The following TAFA2 variants were observed in gnomAD, a reference collection of about 807,000 sequenced individuals.
TAFA2 encodes the protein chemokine-like protein TAFA-2.
Under a neutral mutation model 18.8 loss-of-function variants are expected in TAFA2, and 7 were observed. That is an observed-to-expected ratio of 0.37 (90% CI 0.21 to 0.70). The LOEUF is 0.70. TAFA2 is among the 30% of genes least tolerant of loss of function. The pLI is 0.53. For missense variants in TAFA2, 122 were observed against 158.1 expected (o/e 0.77, Z 1.23); for synonymous variants, 60 against 54.2 (o/e 1.11, Z -0.47).
chr12:62,179,686 G>T (rs751197047), intron 1 of TAFA2, among the ~76,000 whole-genome samples: 2 of 152,018 alleles, frequency 1.3e-5, no homozygotes, highest in Non-Finnish European at 2.9e-5. Flanking sequence ...GAATTTCAAT[G>T]GATTTATTCT....
At chr12:62,216,874 C>T (rs964271610) in intron 1 of TAFA2, among the ~76,000 whole-genome samples, 1 of 152,160 alleles carries the variant, frequency 6.6e-6, no homozygotes, top group Non-Finnish European at 1.5e-5. Context: ...TTGGACTAGA[C>T]AAGCAAGAAG....
chr12:61,810,434 A>G (rs1871818779), intron 2 of TAFA2, among the ~76,000 whole-genome samples: 3 of 151,402 alleles, frequency 2.0e-5, no homozygotes, highest in Non-Finnish European at 4.4e-5. Context: ...CCTTAAATAA[A>G]GAAGACAATA....
At chr12:61,935,174 A>G (rs977075615) in intron 1 of TAFA2, among the ~76,000 whole-genome samples, 10 of 152,196 alleles carry the variant, frequency 6.6e-5, no homozygotes, top group South Asian at 2.1e-4. Flanking sequence ...GGTATATTTT[A>G]TTTTTAGAAT....
chr12:61,912,819 A>T (rs1358505191), intron 1 of TAFA2, among the ~76,000 whole-genome samples: 1 of 152,218 alleles, frequency 6.6e-6, no homozygotes, highest in African/African-American at 2.4e-5. Context: ...GAACATTAAA[A>T]TAGGCCTCAT....
At chr12:62,207,826 T>C (rs2062698407) in intron 1 of TAFA2, among the ~76,000 whole-genome samples, 1 of 152,160 alleles carries the variant, frequency 6.6e-6, no homozygotes, top group African/African-American at 2.4e-5. Flanking sequence ...TGTGCCCACA[T>C]TGCCAGAGTA....
At chr12:62,024,900 C>T (rs1014075322) in intron 1 of TAFA2, among the ~76,000 whole-genome samples, 3 of 151,974 alleles carry the variant, frequency 2.0e-5, no homozygotes, top group African/African-American at 4.8e-5. Context: ...AAATCAAAAC[C>T]GCAATGAGAT....
intron 1 of TAFA2, among the ~76,000 whole-genome samples, chr12:61,973,349 T>A (rs550159098): frequency 6.6e-6 from 1 of 151,730 alleles, no homozygotes; most frequent in East Asian, 1.9e-4. Context: ...TGACTACATG[T>A]TGCAAACATA....
chr12:61,807,132 C>T (rs1351158386), intron 2 of TAFA2, among the ~76,000 whole-genome samples: 1 of 151,332 alleles, frequency 6.6e-6, no homozygotes, highest in Non-Finnish European at 1.5e-5. Flanking sequence ...CCTCCCATTA[C>T]AGGCCAGGAG....
At chr12:62,055,355 A>G (rs1459858725) in intron 1 of TAFA2, among the ~76,000 whole-genome samples, 4 of 152,178 alleles carry the variant, frequency 2.6e-5, no homozygotes, top group East Asian at 3.8e-4. Flanking sequence ...AAAAAAATAA[A>G]CCCCTGAAAT....
rs534851314 is a variant in TAFA2, at chr12:61,863,776, G to A, written c.106+3544C>T. On this transcript the variant is annotated intron_variant, in intron 2 of 4. Coordinates refer to ENST00000416284, the MANE Select transcript of TAFA2 (RefSeq NM_178539.5). ...AATGTTCTGTGATCACAGTTCACAG[G>A]TGCCCCCTTCTTTAGAGACTTACCT... Among the ~76,000 whole-genome samples the A allele has an allele frequency of 7.9e-5, 12 of 152,134 alleles. No individual in the cohort carries two copies. The South Asian group carries it at 2.1e-3, about 26-fold the overall frequency.
intron 1 of TAFA2, among the ~76,000 whole-genome samples, chr12:61,900,896 C>A (rs115765541): frequency 0.011 from 1,702 of 152,190 alleles, 29 homozygotes; most frequent in African/African-American, 0.039. Context: ...CTATTAATTT[C>A]TGAACAGTGA....
Position 62,172,464 on chromosome 12 carries a change from G to C in TAFA2, c.-2+18795C>G, listed in dbSNP as rs183915908. 1.2e-3 allele frequency among the ~76,000 whole-genome samples: 189 copies of C among 152,302 alleles called. 3 individuals are homozygous for C. The highest frequency in any genetic ancestry group is 4.2e-3 in the African/African-American group (176 of 41,560). On this transcript the variant is annotated intron_variant, in intron 1 of 4. Coordinates refer to ENST00000416284, the MANE Select transcript of TAFA2 (RefSeq NM_178539.5). Reference sequence around the variant, plus strand: ...AAGGAAGTCTCTCCTGATGTTACTTGAATGATATAGTCATCAATATGCCAA... The same window carrying C: ...AAGGAAGTCTCTCCTGATGTTACTTCAATGATATAGTCATCAATATGCCAA...
At chr12:61,939,932 C>A (rs1877928532) in intron 1 of TAFA2, among the ~76,000 whole-genome samples, 1 of 152,224 alleles carries the variant, frequency 6.6e-6, no homozygotes, top group South Asian at 2.1e-4. Flanking sequence ...CTTCCACCTA[C>A]AGAGAAACAT....
intron 1 of TAFA2, among the ~76,000 whole-genome samples, chr12:61,872,017 G>A (rs544411648): frequency 6.6e-6 from 1 of 152,232 alleles, no homozygotes; most frequent in South Asian, 2.1e-4. Flanking sequence ...GCACGAACCC[G>A]GGAGGTAGAG....
intron 1 of TAFA2, among the ~76,000 whole-genome samples, chr12:62,130,425 A>T (rs1224476128): frequency 6.6e-6 from 1 of 152,018 alleles, no homozygotes; most frequent in Non-Finnish European, 1.5e-5. Flanking sequence ...GTAAGGAATT[A>T]GTGGATATAT....
intron 1 of TAFA2, among the ~76,000 whole-genome samples, chr12:62,170,080 C>T (rs1022346508): frequency 1.3e-5 from 2 of 152,048 alleles, no homozygotes; most frequent in African/African-American, 4.8e-5. Context: ...CATAAATGCT[C>T]TCTTGTTTAT....
intron 1 of TAFA2, among the ~76,000 whole-genome samples, chr12:61,938,367 T>C (rs1375124156): frequency 6.6e-6 from 1 of 152,092 alleles, no homozygotes; most frequent in Non-Finnish European, 1.5e-5. Flanking sequence ...CATTTGCAGA[T>C]TTGTTATGCA....
intron 1 of TAFA2, among the ~76,000 whole-genome samples, chr12:62,120,731 T>C (rs1490214719): frequency 1.3e-5 from 2 of 152,126 alleles, no homozygotes; most frequent in Non-Finnish European, 2.9e-5. Flanking sequence ...CAGTCTCTCC[T>C]GTTCTATCTC....
At chr12:61,979,676 AAAGAGAAAAT>A (rs1247247479) in intron 1 of TAFA2, among the ~76,000 whole-genome samples, 1 of 152,046 alleles carries the variant, frequency 6.6e-6, no homozygotes, top group African/African-American at 2.4e-5. Context: ...AAAGAAATGA[AAAGAGAAAAT>A]AAGAGGAAAT....
Sources: gnomAD v4.1 joint callset for allele counts (sites outside exome capture counted in the v4.1 genomes callset) on GRCh38, gnomAD v4.1.1 for gene constraint, MANE v1.5 for transcripts, NCBI Gene and HGNC (gene_info 2026-07-23, HGNC 2026-07-21) for gene names.